The following SLC25A48 variants were observed in gnomAD, a reference collection of about 807,000 sequenced individuals.
SLC25A48 encodes solute carrier family 25 member 48, also known as CTC-321K16.1.
SLC25A48 carries 29 observed loss-of-function variants against 32.2 expected under a neutral mutation model. The observed-to-expected ratio is 0.90, with a 90% CI of 0.67 to 1.23. The LOEUF (loss-of-function observed/expected upper bound fraction) is 1.23, where lower values mean the gene tolerates loss of function less well. Ranked by LOEUF, SLC25A48 falls within the 50% of genes most tolerant of loss-of-function variation. The pLI is 0.00. For missense variants in SLC25A48, 399 were observed against 422.7 expected (o/e 0.94, Z 0.49); for synonymous variants, 164 against 172.3 (o/e 0.95, Z 0.38).
intron 3 of SLC25A48, among the ~76,000 whole-genome samples, chr5:135,717,233 C>T (rs1183332286): frequency 2.0e-5 from 3 of 152,176 alleles, no homozygotes; most frequent in African/African-American, 4.8e-5. Context: ...CAGGTCCTGC[C>T]CACTGGTCCT....
At chr5:135,605,769 G>A (rs547599916) in intron 1 of SLC25A48, among the ~76,000 whole-genome samples, 2 of 152,186 alleles carry the variant, frequency 1.3e-5, no homozygotes, top group African/African-American at 2.4e-5. Flanking sequence ...CTTGGATCCC[G>A]GGAAAATGTT....
intron 3 of SLC25A48, among the ~76,000 whole-genome samples, chr5:135,798,699 A>T (rs1377504255): frequency 6.6e-6 from 1 of 151,606 alleles, no homozygotes; most frequent in African/African-American, 2.4e-5. Context: ...CAGGGGGTGT[A>T]CACTCTCCCT....
chr5:135,767,563 T>G (rs1756275104), intron 3 of SLC25A48, among the ~76,000 whole-genome samples: 1 of 151,966 alleles, frequency 6.6e-6, no homozygotes, highest in South Asian at 2.1e-4. Flanking sequence ...CTCTGTGATA[T>G]TTTTTGTAAT....
intron 3 of SLC25A48, among the ~76,000 whole-genome samples, chr5:135,695,771 G>A (rs1406546555): frequency 6.6e-6 from 1 of 152,144 alleles, no homozygotes; most frequent in African/African-American, 2.4e-5. Flanking sequence ...ACATGTTTTT[G>A]CTCCTGCCCC....
intron 6 of SLC25A48, among the ~76,000 whole-genome samples, chr5:135,877,607 C>G (rs1762150262): frequency 6.6e-6 from 1 of 152,204 alleles, no homozygotes; most frequent in African/African-American, 2.4e-5. Flanking sequence ...AAGGTCTACT[C>G]TGGGCGAAGC....
At chr5:135,834,117 T>C (rs1758315196), upstream of SLC25A48, among the ~76,000 whole-genome samples, 1 of 152,218 alleles carries the variant, frequency 6.6e-6, no homozygotes, top group African/African-American at 2.4e-5. Context: ...CACGGACCCC[T>C]GGCCTGGGGC....
intron 3 of SLC25A48, among the ~76,000 whole-genome samples, chr5:135,719,334 G>T (rs931186151): frequency 6.6e-6 from 1 of 152,182 alleles, no homozygotes; most frequent in Non-Finnish European, 1.5e-5. Flanking sequence ...GGGCCCACTA[G>T]TGTACCAGAG....
intron 3 of SLC25A48, among the ~76,000 whole-genome samples, chr5:135,665,679 G>A (rs1427507372): frequency 1.3e-5 from 2 of 151,358 alleles, no homozygotes; most frequent in Non-Finnish European, 2.9e-5. Flanking sequence ...TAAATAAGGT[G>A]TCCTTTCCCC....
At chr5:135,769,456 C>T (rs1756342449) in intron 3 of SLC25A48, among the ~76,000 whole-genome samples, 1 of 151,668 alleles carries the variant, frequency 6.6e-6, no homozygotes, top group Admixed American at 6.6e-5. Flanking sequence ...AGTGTACACC[C>T]CACTGTGATA....
intron 1 of SLC25A48, among the ~76,000 whole-genome samples, chr5:135,605,461 G>A (rs1751913196): frequency 6.6e-6 from 1 of 152,220 alleles, no homozygotes; most frequent in Non-Finnish European, 1.5e-5. Context: ...GAACCTCTGG[G>A]TGTGGTCTGC....
At chr5:135,633,804 C>T (rs1372493793) in intron 2 of SLC25A48, among the ~76,000 whole-genome samples, 1 of 152,070 alleles carries the variant, frequency 6.6e-6, no homozygotes, top group Non-Finnish European at 1.5e-5. Context: ...TTTTCCTTTC[C>T]TCTTCTTGCA....
At chr5:135,883,719 CGTT>C (rs1762625487) in intron 7 of SLC25A48, among the ~76,000 whole-genome samples, 1 of 152,186 alleles carries the variant, frequency 6.6e-6, no homozygotes, top group African/African-American at 2.4e-5. Flanking sequence ...CAGTGGCACA[CGTT>C]GGTGACTTGC....
chr5:135,692,008 TAACAA>T (rs1485570074), intron 3 of SLC25A48, among the ~76,000 whole-genome samples: 8 of 152,052 alleles, frequency 5.3e-5, no homozygotes, highest in Non-Finnish European at 1.2e-4. Flanking sequence ...TTCTTCAAGC[TAACAA>T]ATCTTTAAAA....
At chr5:135,637,426 A>G (rs1385315371) in intron 3 of SLC25A48, among the ~76,000 whole-genome samples, 1 of 152,166 alleles carries the variant, frequency 6.6e-6, no homozygotes, top group Non-Finnish European at 1.5e-5. Flanking sequence ...GAACACAAAA[A>G]AGAGAAAGAT....
At chr5:135,770,596 T>C (rs1452765298) in intron 3 of SLC25A48, among the ~76,000 whole-genome samples, 2 of 151,716 alleles carry the variant, frequency 1.3e-5, no homozygotes, top group Non-Finnish European at 2.9e-5. Flanking sequence ...CCCTGTGATA[T>C]TGTTCCTAAT....
chr5:135,640,150 C>T (rs966176144), intron 3 of SLC25A48, among the ~76,000 whole-genome samples: 4 of 152,042 alleles, frequency 2.6e-5, no homozygotes, highest in Non-Finnish European at 5.9e-5. Flanking sequence ...ACTAGATTAA[C>T]AGGAGATTGC....
In SLC25A48 at chr5:135,834,756, G is replaced by A; in HGVS notation, c.-92G>A. The A allele has an allele frequency of 7.2e-7, 1 of 1,381,930 alleles. No individual in the cohort carries two copies. Among genetic ancestry groups the A allele is most frequent in the Non-Finnish European group, 9.7e-7 (1 of 1,026,908 alleles). The allele number at this position is 1,381,930 out of a possible 1,614,324, so 85.6% of individuals were successfully genotyped here. A position where few individuals can be genotyped will look rare whatever the true frequency, so the allele number is the denominator to read the frequency against. ...CGGCGTGCTCGAGACTCCGACTTCG[G>A]TCTTGCGGCGCGCTCGCGCCCGCGG... On this transcript the variant is annotated 5_prime_UTR_variant, in exon 1 of 8. Coordinates refer to ENST00000681962, the MANE Select transcript of SLC25A48 (RefSeq NM_001349336.2).
At chr5:135,605,366 G>A (rs922533480) in intron 1 of SLC25A48, among the ~76,000 whole-genome samples, 2 of 152,192 alleles carry the variant, frequency 1.3e-5, no homozygotes, top group African/African-American at 2.4e-5. Context: ...CAAAGGATTT[G>A]CATCTTCTGA....
intron 3 of SLC25A48, among the ~76,000 whole-genome samples, chr5:135,723,503 A>G (rs2126985029): frequency 6.7e-6 from 1 of 149,858 alleles, no homozygotes; most frequent in Admixed American, 6.7e-5. Flanking sequence ...AAAGGCACAA[A>G]CCATAGTATG....
Sources: allele counts gnomAD v4.1 joint callset (sites outside exome capture counted in the v4.1 genomes callset), GRCh38; gene constraint gnomAD v4.1.1; transcripts MANE v1.5; gene names NCBI Gene and HGNC (gene_info 2026-07-23, HGNC 2026-07-21).